Variants in TUBGCP4 observed in about 807,000 individuals in gnomAD.
TUBGCP4 encodes the protein tubulin gamma complex component 4, also known as gamma-tubulin complex component 4.
In TUBGCP4, 54 loss-of-function variants were observed where a neutral mutation model predicts 91.6. The observed-to-expected ratio is 0.59, with a 90% CI of 0.47 to 0.74. The LOEUF (loss-of-function observed/expected upper bound fraction) is 0.74. TUBGCP4 is among the 30% of genes least tolerant of loss of function. The pLI, the probability that TUBGCP4 is intolerant of heterozygous loss-of-function variation, is 0.00. For missense variants in TUBGCP4, 593 were observed against 800.9 expected, an observed-to-expected ratio of 0.74 and a Z score of 3.13; for synonymous variants, 297 against 302.8, an observed-to-expected ratio of 0.98 and a Z score of 0.20.
At chr15:43,404,368 T>C in intron 16 of TUBGCP4, 45 bp from the exon 17 acceptor site, 2 of 1,610,876 alleles carry the variant, frequency 1.2e-6, no homozygotes, top group Non-Finnish European at 1.7e-6. Flanking sequence ...ATATGGAGAG[T>C]TGGTGAGCTG....
intron 5 of TUBGCP4, among the ~76,000 whole-genome samples, 156 bp from the exon 6 acceptor site, chr15:43,379,928 G>A (rs989103880): frequency 6.6e-6 from 1 of 152,180 alleles, no homozygotes; most frequent in Non-Finnish European, 1.5e-5. Flanking sequence ...ATGGGAGAGA[G>A]GTCCCTCTTT....
intron 8 of TUBGCP4, 49 bp downstream of exon 8, chr15:43,386,005 CTTA>C: frequency 6.2e-7 from 1 of 1,601,578 alleles, no homozygotes; most frequent in Non-Finnish European, 8.5e-7. Context: ...TCTCTTCTTC[CTTA>C]ATACTATGTG....
At chr15:43,404,949 T>C (rs771426397) in intron 17 of TUBGCP4, 4 of 536,048 alleles carry the variant, frequency 7.5e-6, no homozygotes, top group African/African-American at 1.9e-5. Context: ...TAAAAAAAAC[T>C]GATACCGAGA....
chr15:43,372,402 G>A (rs1395029360), intron 1 of TUBGCP4, among the ~76,000 whole-genome samples: 1 of 152,174 alleles, frequency 6.6e-6, no homozygotes, highest in African/African-American at 2.4e-5. Flanking sequence ...TGGAGTTTGG[G>A]AGTTTAGGTG....
In TUBGCP4 at chr15:43,385,846, G is replaced by A. The variant is rs1265611239; in HGVS notation, c.779G>A (p.Arg260Gln). ...LAPSLKQFSL[R>Q]VEILPSYIPV... ...CCATCTCTGAAGCAGTTTTCCCTACGAGTGGAGATTTTGCCATCCTACATT... is the reference window on the plus strand; with the variant it reads ...CCATCTCTGAAGCAGTTTTCCCTACAAGTGGAGATTTTGCCATCCTACATT... Residue 260 changes from arginine (R) to glutamine (Q), a missense_variant, in exon 8 of 18, where the codon CGA (arginine) becomes CAA (glutamine). Arg to Gln is a conservative substitution (Grantham distance 43, BLOSUM62 1). Transcript: ENST00000564079. The A allele has an allele frequency of 4.3e-6, 7 of 1,613,934 alleles. No individual in the cohort carries two copies. The highest frequency in any genetic ancestry group is 1.3e-5 in the African/African-American group (1 of 74,850).
chr15:43,383,470 TG>T lies in TUBGCP4; in HGVS notation c.690del (p.Thr231GlnfsTer5). ...EDEEDLGIGG[L>X]TGKQLRELQD... ...GAGGAGGATCTGGGCATTGGGGGAC[TG>T]ACAGGAAAACAACTGAGAGAACTGC... On this transcript the variant is annotated frameshift_variant, in exon 7 of 18. Coordinates refer to ENST00000564079, the MANE Select transcript of TUBGCP4 (RefSeq NM_014444.5). LOFTEE classifies it high-confidence loss of function. 6.2e-7 allele frequency: 1 copy of T among 1,612,756 alleles called. No individual in the cohort carries two copies. Among genetic ancestry groups the T allele is most frequent in the South Asian group, 1.1e-5 (1 of 90,906 alleles).
At chr15:43,382,382 C>T (rs1292550269) in intron 6 of TUBGCP4, among the ~76,000 whole-genome samples, 1 of 151,616 alleles carries the variant, frequency 6.6e-6, no homozygotes, top group African/African-American at 2.4e-5. Context: ...TTTTGCAATC[C>T]AGGATCCGAT....
At chr15:43,375,959 C>A in intron 1 of TUBGCP4, 139 bp from the exon 2 acceptor site, 1 of 1,301,124 alleles carries the variant, frequency 7.7e-7, no homozygotes, top group Non-Finnish European at 1.1e-6. Flanking sequence ...TTTGGAAATA[C>A]ATTGTTATCC....
Position 43,408,156 on chromosome 15 carries a change from G to C in TUBGCP4, c.*2942G>C. The C allele has an allele frequency of 6.7e-7, 1 of 1,496,864 alleles. No homozygotes were observed. Among genetic ancestry groups the C allele is most frequent in the Non-Finnish European group, 9.2e-7 (1 of 1,092,204 alleles). The allele number at this position is 1,496,864 out of a possible 1,614,324, so 92.7% of individuals were successfully genotyped here. ...TCCAACAAACTGCCTTTCTGCAAAG[G>C]GACTCATGTACATCTGAATGCTTTC... On this transcript the variant is annotated 3_prime_UTR_variant, in exon 18 of 18. Coordinates refer to ENST00000564079, the MANE Select transcript of TUBGCP4 (RefSeq NM_014444.5).
In TUBGCP4 at chr15:43,406,706, T is replaced by C; in HGVS notation, c.*1492T>C. On this transcript the variant is annotated 3_prime_UTR_variant, in exon 18 of 18. Transcript: ENST00000564079. ...CTTCCAGCTATTGTGACAATAATAA[T>C]AATAATAATATTGGGTCTTTGACTA... 1 of 431,910 alleles carries C rather than the reference T, an allele frequency of 2.3e-6. No individual in the cohort carries two copies. The highest frequency in any genetic ancestry group is 4.6e-6 in the Non-Finnish European group (1 of 218,962). 26.8% of individuals were successfully genotyped at this position (431,910 alleles called of 1,614,324 possible). A position where few individuals can be genotyped will look rare whatever the true frequency, so the allele number is the denominator to read the frequency against.
chr15:43,380,555 A>G (rs2044271546), intron 6 of TUBGCP4, among the ~76,000 whole-genome samples: 1 of 152,226 alleles, frequency 6.6e-6, no homozygotes, highest in African/African-American at 2.4e-5. Context: ...TAATCCCATA[A>G]TGCCACTCTT....
chr15:43,405,411 C>T lies in TUBGCP4; in HGVS notation c.*197C>T. On this transcript the variant is annotated 3_prime_UTR_variant, in exon 18 of 18. Transcript: ENST00000564079. ...TCATTCCCATGTGGAAGGGTCTCTC[C>T]CATCAAGGAGAACATGTGGCATCTC... The T allele has an allele frequency of 1.6e-6, 1 of 617,708 alleles. No homozygotes were observed. The highest frequency in any genetic ancestry group is 2.9e-6 in the Non-Finnish European group (1 of 348,552). The allele number at this position is 617,708 out of a possible 1,614,324, so 38.3% of individuals were successfully genotyped here.
chr15:43,387,489 T>G (rs1208870872), intron 9 of TUBGCP4, among the ~76,000 whole-genome samples: 1 of 152,170 alleles, frequency 6.6e-6, no homozygotes, highest in Non-Finnish European at 1.5e-5. Context: ...TTTTATGGAG[T>G]CTTGCTGTGT....
intron 4 of TUBGCP4, chr15:43,377,611 C>CAAAAA (rs60932318): frequency 2.7e-5 from 7 of 259,648 alleles, no homozygotes; most frequent in South Asian, 7.8e-5. Context: ...GACCCTGTCT[C>CAAAAA]AAAAAAAAAA....
Position 43,386,345 on chromosome 15 carries a change from GTATA to G in TUBGCP4, c.1014+45_1014+48del, listed in dbSNP as rs542775386. 4.8e-4 allele frequency: 152 copies of G among 317,684 alleles called. 2 individuals carry two copies. The highest frequency in any genetic ancestry group is 1.1e-3 in the Middle Eastern group (1 of 906). 19.7% of individuals were successfully genotyped at this position (317,684 alleles called of 1,614,324 possible). ...CTGTGGCTGAGGTTTGTGTTTCATCGTATATATATATATATATATATATATATAT... is the reference window on the plus strand; with the variant it reads ...CTGTGGCTGAGGTTTGTGTTTCATCGTATATATATATATATATATATATAT... On this transcript the variant is annotated intron_variant, in intron 9 of 17. Coordinates refer to ENST00000564079, the MANE Select transcript of TUBGCP4 (RefSeq NM_014444.5).
At chr15:43,404,070 C>T in intron 16 of TUBGCP4, 1 of 522,658 alleles carries the variant, frequency 1.9e-6, no homozygotes, top group Admixed American at 3.3e-5. Context: ...TCACATCCTC[C>T]CCCCTCCTTA....
intron 9 of TUBGCP4, among the ~76,000 whole-genome samples, chr15:43,387,451 A>T (rs1374684430): frequency 2.6e-5 from 4 of 152,148 alleles, no homozygotes; most frequent in Admixed American, 1.3e-4. Flanking sequence ...GAATCGCATG[A>T]GAAAATTTTA....
chr15:43,399,738 G>A (rs2044636748), intron 13 of TUBGCP4, among the ~76,000 whole-genome samples: 2 of 152,086 alleles, frequency 1.3e-5, no homozygotes, highest in South Asian at 2.1e-4. Context: ...GAAGCAACAC[G>A]AGTCAACCAT....
In TUBGCP4 at chr15:43,371,315, AG is replaced by A. The variant is rs1397071925; in HGVS notation, c.-35del. The A allele has an allele frequency of 1.0e-5, 16 of 1,599,790 alleles. No individual in the cohort carries two copies. Among genetic ancestry groups the A allele is most frequent in the African/African-American group, 2.7e-5 (2 of 74,624 alleles). On this transcript the variant is annotated 5_prime_UTR_variant, in exon 1 of 18. Coordinates refer to ENST00000564079, the MANE Select transcript of TUBGCP4 (RefSeq NM_014444.5). ...TGGTCGCCTGGAGGTGCGCTGGAGGAGGGGGTGACATAACCAGGGACTCGAG... is the reference window on the plus strand; with the variant it reads ...TGGTCGCCTGGAGGTGCGCTGGAGGAGGGGTGACATAACCAGGGACTCGAG...
Sources: allele counts gnomAD v4.1 joint callset (sites outside exome capture counted in the v4.1 genomes callset), GRCh38; gene constraint gnomAD v4.1.1; transcripts MANE v1.5; gene names NCBI Gene and HGNC (gene_info 2026-07-23, HGNC 2026-07-21).